MYH6: variants seen among roughly 807,000 people sequenced by gnomAD.
The protein encoded by MYH6 is myosin heavy chain 6.
Under a neutral mutation model 223.2 loss-of-function variants are expected in MYH6, and 126 were observed. The observed-to-expected ratio is 0.56, with a 90% CI of 0.49 to 0.65. The LOEUF (loss-of-function observed/expected upper bound fraction) is 0.65. MYH6 is among the 30% of genes least tolerant of loss of function. The pLI is 0.00. For synonymous variants in MYH6, 978 were observed against 1,010.2 expected, an observed-to-expected ratio of 0.97 and a Z score of 0.61; for missense variants, 2,040 against 2,536.4, an observed-to-expected ratio of 0.80 and a Z score of 4.20.
At position 23,386,420 on chromosome 14, in the gene MYH6, C is replaced by A. The variant is rs766153681; in HGVS notation, c.4854G>T (p.Lys1618Asn). 4 of 1,614,216 alleles carry A rather than the reference C, an allele frequency of 2.5e-6. No individual in the cohort carries two copies. Among genetic ancestry groups the A allele is most frequent in the South Asian group, 2.2e-5 (2 of 91,088 alleles). Residue 1618 changes from lysine to asparagine, a missense_variant, in exon 33 of 39, where the codon AAG becomes AAT. This residue lies in a region of MYH6 where 1,203 missense variants were observed against 1,400.2 expected (regional missense o/e 0.86). Coordinates refer to ENST00000405093, the MANE Select transcript of MYH6 (RefSeq NM_002471.4). The stretch of plus-strand genomic sequence containing the variant: ...TCTCATTGAGGTCTCCTTCCATCTT[C>A]TTCTTCACCCTCAGGACCTCGTTGC... ...RSRNEVLRVK[K>N]KMEGDLNEME... is the part of the protein sequence containing the mutation.
chr14:23,404,697 G>C lies in MYH6; in HGVS notation c.642+14C>G, dbSNP rs760226964. 1 of 1,611,900 alleles carries C rather than the reference G, an allele frequency of 6.2e-7. No individual in the cohort carries two copies. On this transcript the variant is annotated intron_variant, in intron 7 of 38. Coordinates refer to ENST00000405093, the MANE Select transcript of MYH6 (RefSeq NM_002471.4). ...CCAACCCCTGTTCTGCCGAGCCTGT[G>C]TCCCCCATGGCACCTTGTTCGCATT...
chr14:23,383,405 C>T, intron 36 of MYH6, 85 bp from the exon 37 acceptor site: 1 of 1,114,522 alleles, frequency 9.0e-7, no homozygotes. Flanking sequence ...TACTCTTCTC[C>T]CCTTGCCTTT....
intron 7 of MYH6, 74 bp downstream of exon 7, chr14:23,404,637 G>C: frequency 7.1e-7 from 1 of 1,411,274 alleles, no homozygotes; most frequent in South Asian, 1.2e-5. Context: ...TCACAGGGAG[G>C]GGAGGGTTAG....
At chr14:23,399,121 A>C in intron 14 of MYH6, 84 bp from the exon 15 acceptor site, 2 of 1,548,162 alleles carry the variant, frequency 1.3e-6, no homozygotes, top group Non-Finnish European at 1.8e-6. Flanking sequence ...CAGGAAAAGG[A>C]ATCTGGAGCC....
intron 9 of MYH6, 81 bp downstream of exon 9, chr14:23,403,634 G>A: frequency 1.5e-6 from 2 of 1,368,246 alleles, no homozygotes; most frequent in Non-Finnish European, 2.1e-6. Flanking sequence ...GGAGATGGCA[G>A]GAATGATGAG....
chr14:23,405,090 A>G lies in MYH6; in HGVS notation c.530+10T>C. The G allele has an allele frequency of 1.9e-6, 3 of 1,613,950 alleles. No homozygotes were observed. Among genetic ancestry groups the G allele is most frequent in the Non-Finnish European group, 2.5e-6 (3 of 1,180,024 alleles). On this transcript the variant is annotated intron_variant, in intron 6 of 38. Coordinates refer to ENST00000405093, the MANE Select transcript of MYH6 (RefSeq NM_002471.4). The surrounding 1 kb of genome is among the most constrained non-coding windows in gnomAD (Gnocchi z 4.7). ...CCAGTCCCTTCTGTGGGAGGATGGC[A>G]CTCGCTCACGTGATGAGGATGGACT...
chr14:23,395,108 G>A (rs576536581), intron 20 of MYH6, among the ~76,000 whole-genome samples: 2 of 152,138 alleles, frequency 1.3e-5, no homozygotes, highest in Non-Finnish European at 2.9e-5. Context: ...CAGGTGATCC[G>A]CCTGCCTTAG....
In MYH6 at chr14:23,384,697, C is replaced by T. The variant is rs763212945; in HGVS notation, c.5310G>A (p.Glu1770=). Reference sequence around the variant, plus strand: ...CGCTGGTGTCCTGCTCCTTCTTCAGCTCCTCTGCCATCATGGCGGCCTGTG... The same window carrying T: ...CGCTGGTGTCCTGCTCCTTCTTCAGTTCCTCTGCCATCATGGCGGCCTGTG... The part of the protein sequence containing the change: ...AITDAAMMAE[E]LKKEQDTSAH... The change falls in exon 36 of 39, where the codon GAG becomes GAA. Residue 1770 remains glutamate, a synonymous_variant. Coordinates refer to ENST00000405093, the MANE Select transcript of MYH6 (RefSeq NM_002471.4). The T allele has an allele frequency of 1.2e-6, 2 of 1,614,270 alleles. No homozygotes were observed. Among genetic ancestry groups the T allele is most frequent in the South Asian group, 1.1e-5 (1 of 91,090 alleles).
At position 23,400,881 on chromosome 14, in the gene MYH6, G is replaced by A. The variant is rs1566513991; in HGVS notation, c.1238C>T (p.Thr413Ile). The A allele has an allele frequency of 1.2e-6, 2 of 1,614,216 alleles. No homozygotes were observed. The highest frequency in any genetic ancestry group is 1.7e-6 in the Non-Finnish European group (2 of 1,180,036). The change falls in exon 13 of 39, where the codon ACC becomes ATC. Residue 413 changes from threonine to isoleucine, a missense_variant. Coordinates refer to ENST00000405093, the MANE Select transcript of MYH6 (RefSeq NM_002471.4). ...CACCTGCTGCACGCTCTGCCCCTTG[G>A]TGACATACTCGTTGCCCACTTTCAC... is the stretch of plus-strand genomic sequence containing the variant. ...PRVKVGNEYV[T>I]KGQSVQQVYY...
rs543839082 is a variant in MYH6, at chr14:23,400,868, G to A, written c.1251C>T (p.Ser417=). 1.8e-5 allele frequency: 29 copies of A among 1,614,210 alleles called. No individual in the cohort carries two copies. In the South Asian group the frequency reaches 2.4e-4, roughly 13 times the overall value. ...VGNEYVTKGQ[S]VQQVYYSIGA... ...CGATGGAGTAGTACACCTGCTGCAC[G>A]CTCTGCCCCTTGGTGACATACTCGT... is the stretch of plus-strand genomic sequence containing the variant. The change falls in exon 13 of 39, where the codon AGC becomes AGT. Residue 417 remains serine (S), a synonymous_variant. Transcript: ENST00000405093.
At position 23,390,186 on chromosome 14, in the gene MYH6, G is replaced by A. The variant is rs1213013908; in HGVS notation, c.3603C>T (p.Ser1201=). 3 of 1,606,622 alleles carry A rather than the reference G, an allele frequency of 1.9e-6. No individual in the cohort carries two copies. Among genetic ancestry groups the A allele is most frequent in the African/African-American group, 1.3e-5 (1 of 74,626 alleles). ...AAALRKKHAD[S]VAELGEQIDN... is the part of the protein sequence containing the mutation. Reference sequence around the variant, plus strand: ...CGATCTGCTCGCCCAGCTCGGCCACGCTGTCGGCGTGCTTCTTGCGCAGGG... The same window carrying A: ...CGATCTGCTCGCCCAGCTCGGCCACACTGTCGGCGTGCTTCTTGCGCAGGG... The change falls in exon 26 of 39, where the codon AGC becomes AGT. Residue 1201 remains serine, a synonymous_variant. Transcript: ENST00000405093.
Position 23,398,939 on chromosome 14 carries a change from C to T in MYH6, c.1680G>A (p.Lys560=). 1 of 1,614,146 alleles carries T rather than the reference C, an allele frequency of 6.2e-7. No individual in the cohort carries two copies. The highest frequency in any genetic ancestry group is 8.5e-7 in the Non-Finnish European group (1 of 1,180,036). Residue 560 remains lysine, a synonymous_variant, in exon 15 of 39, where the codon AAG becomes AAA. Coordinates refer to ENST00000405093, the MANE Select transcript of MYH6 (RefSeq NM_002471.4). ...KAKLYDNHLG[K]SNNFQKPRNI... The stretch of plus-strand genomic sequence containing the variant: ...TGCGTGGCTTCTGGAAATTGTTGGA[C>T]TTGCCCAGGTGGTTGTCGTACAGCT...
Position 23,405,643 on chromosome 14 carries a change from G to T in MYH6, c.329C>A (p.Ala110Glu). 1 of 1,614,186 alleles carries T rather than the reference G, an allele frequency of 6.2e-7. No homozygotes were observed. Among genetic ancestry groups the T allele is most frequent in the Non-Finnish European group, 8.5e-7 (1 of 1,180,034 alleles). Residue 110 changes from alanine to glutamate, a missense_variant, in exon 4 of 39, where the codon GCG becomes GAG. Around this residue, in one of 4 missense-constraint regions of MYH6, gnomAD observed 184 missense variants for 232.4 expected, o/e 0.79. Coordinates refer to ENST00000405093, the MANE Select transcript of MYH6 (RefSeq NM_002471.4). The surrounding 1 kb of genome is among the most constrained non-coding windows in gnomAD (Gnocchi z 4.7). ...GCCACTCACATATATCATCCAGGCC[G>T]CGTAGCGCTCCTTGAGGTTGAAAAG... Reference protein sequence around the residue: ...AVLFNLKERYAAWMIYTYSGL... With the variant: ...AVLFNLKERYEAWMIYTYSGL...
chr14:23,404,284 A>T lies in MYH6; in HGVS notation c.735+12T>A. ...CTGGATGAGGCCACTGGGAGTGGTCAAAGGCACTCACAAAGCGGGAGGAGT... is the reference window on the plus strand; with the variant it reads ...CTGGATGAGGCCACTGGGAGTGGTCTAAGGCACTCACAAAGCGGGAGGAGT... On this transcript the variant is annotated intron_variant, in intron 8 of 38. Transcript: ENST00000405093. 6.2e-7 allele frequency: 1 copy of T among 1,614,110 alleles called. No homozygotes were observed. The highest frequency in any genetic ancestry group is 2.2e-5 in the East Asian group (1 of 44,884).
chr14:23,390,180 G>C lies in MYH6; in HGVS notation c.3609C>G (p.Ala1203=), dbSNP rs149369904. ...ALRKKHADSV[A]ELGEQIDNLQ... The stretch of plus-strand genomic sequence containing the variant: ...GGTTGTCGATCTGCTCGCCCAGCTC[G>C]GCCACGCTGTCGGCGTGCTTCTTGC... Residue 1203 remains alanine (A), a synonymous_variant, in exon 26 of 39, where the codon GCC becomes GCG. Coordinates refer to ENST00000405093, the MANE Select transcript of MYH6 (RefSeq NM_002471.4). 2,659 of 1,607,540 alleles carry C rather than the reference G, an allele frequency of 1.7e-3. 43 individuals are homozygous for C. The African/African-American group carries it at 0.031, about 18-fold the overall frequency.
intron 37 of MYH6, 27 bp downstream of exon 37, chr14:23,383,198 A>G (rs1473015493): frequency 6.3e-7 from 1 of 1,581,852 alleles, no homozygotes; most frequent in Non-Finnish European, 8.7e-7. Flanking sequence ...TGTGTTGATG[A>G]GAAAGGGAAG....
chr14:23,394,348 G>T lies in MYH6; in HGVS notation c.2430-25C>A, dbSNP rs772041932. The stretch of plus-strand genomic sequence containing the variant: ...CCTGGCAAGGAAACGTGGAGGCAGG[G>T]TGGGGCACTATAAAAGAGAGCTTCC... On this transcript the variant is annotated intron_variant, in intron 20 of 38. Coordinates refer to ENST00000405093, the MANE Select transcript of MYH6 (RefSeq NM_002471.4). 4 of 1,614,006 alleles carry T rather than the reference G, an allele frequency of 2.5e-6. No homozygotes were observed. In the South Asian group the frequency reaches 3.3e-5, roughly 13 times the overall value.
In MYH6 at chr14:23,397,075, T is replaced by C. The variant is rs1891419545; in HGVS notation, c.2056A>G (p.Met686Val). Residue 686 changes from methionine to valine, a missense_variant, in exon 18 of 39, where the codon ATG (methionine) becomes GTG (valine). Transcript: ENST00000405093. ...TGGTGCATGACCAGGGGGTTGTCCA[T>C]CACCCCTGTGTCAGGAGGGAAGGGG... is the stretch of plus-strand genomic sequence containing the variant. ...IPNERKAPGV[M>V]DNPLVMHQLR... 1 of 1,614,076 alleles carries C rather than the reference T, an allele frequency of 6.2e-7. No homozygotes were observed. Among genetic ancestry groups the C allele is most frequent in the Admixed American group, 1.7e-5 (1 of 60,008 alleles).
chr14:23,407,736 A>G lies in MYH6; in HGVS notation c.-46-128T>C. 1 of 513,792 alleles carries G rather than the reference A, an allele frequency of 1.9e-6. No homozygotes were observed. 31.8% of individuals were successfully genotyped at this position (513,792 alleles called of 1,614,324 possible). On this transcript the variant is annotated intron_variant, in intron 1 of 38. Transcript: ENST00000405093. The surrounding 1 kb of genome is among the most constrained non-coding windows in gnomAD (Gnocchi z 5.6). ...AGGCAGCCCCAGAGCGCAGACAGGC[A>G]GGACAGACCAGGGAGTCAGAAAGGG...
Sources: gnomAD v4.1 joint callset for allele counts (sites outside exome capture counted in the v4.1 genomes callset) on GRCh38, gnomAD v4.1.1 for gene constraint, gnomAD v4.1.1 regional missense constraint, Gnocchi (gnomAD v3.1) non-coding constraint, MANE v1.5 for transcripts, NCBI Gene and HGNC (gene_info 2026-07-23, HGNC 2026-07-21) for gene names.